Variants in INPP4A observed in about 807,000 individuals in gnomAD.
INPP4A encodes the protein inositol polyphosphate-4-phosphatase type I A.
A neutral mutation model predicts 119.8 loss-of-function variants in INPP4A; 33 were observed. The ratio of observed to expected loss-of-function variants is 0.28; its 90% CI spans 0.21 to 0.37. INPP4A has a LOEUF of 0.37. Among genes scored for constraint, INPP4A ranks in the 10% least tolerant of loss-of-function variants. The probability of loss-of-function intolerance (pLI) is 1.00; values close to 1 mark genes in which losing one functional copy is unlikely to be tolerated. For missense variants in INPP4A, 956 were observed against 1,289.9 expected, an observed-to-expected ratio of 0.74 and a Z score of 3.97; for synonymous variants, 496 against 500.7, an observed-to-expected ratio of 0.99 and a Z score of 0.12.
At chr2:98,466,644 C>T (rs1203556241) in intron 1 of INPP4A, among the ~76,000 whole-genome samples, 1 of 152,226 alleles carries the variant, frequency 6.6e-6, no homozygotes, top group Non-Finnish European at 1.5e-5. Flanking sequence ...GTGCATAAAA[C>T]CCTCACTTAT....
chr2:98,572,734 C>A, intron 22 of INPP4A, 81 bp from the exon 23 acceptor site: 1 of 864,828 alleles, frequency 1.2e-6, no homozygotes. Context: ...TGTGCCCCAG[C>A]AGCTCACTTG....
At chr2:98,501,271 T>C (rs1269590990) in intron 1 of INPP4A, among the ~76,000 whole-genome samples, 2 of 151,686 alleles carry the variant, frequency 1.3e-5, no homozygotes, top group Non-Finnish European at 2.9e-5. Context: ...GAGGTGGAGG[T>C]TGCAGTGAGT....
intron 1 of INPP4A, among the ~76,000 whole-genome samples, chr2:98,488,652 G>C (rs529910992): frequency 2.0e-5 from 3 of 152,260 alleles, no homozygotes; most frequent in African/African-American, 7.2e-5. Context: ...AGTGGCTCTA[G>C]GTCAAAAGCA....
chr2:98,557,527 C>G (rs1281561501), intron 16 of INPP4A, among the ~76,000 whole-genome samples: 1 of 152,220 alleles, frequency 6.6e-6, no homozygotes, highest in East Asian at 1.9e-4. Context: ...TTCCAAGTTA[C>G]TGGAGCCATT....
chr2:98,528,395 C>G (rs1688560994), intron 4 of INPP4A, among the ~76,000 whole-genome samples: 1 of 151,876 alleles, frequency 6.6e-6, no homozygotes, highest in African/African-American at 2.4e-5. Flanking sequence ...TGAACAGAGC[C>G]TCAGAGACCT....
intron 1 of INPP4A, among the ~76,000 whole-genome samples, chr2:98,509,756 C>T (rs753997261): frequency 6.6e-6 from 1 of 152,190 alleles, no homozygotes; most frequent in Non-Finnish European, 1.5e-5. Context: ...TTTTGCTCAG[C>T]ACAAACATTT....
At chr2:98,583,072 G>A (rs371392497) in intron 24 of INPP4A, among the ~76,000 whole-genome samples, 2 of 151,998 alleles carry the variant, frequency 1.3e-5, no homozygotes, top group East Asian at 1.9e-4. Flanking sequence ...TACTGCATAC[G>A]CCAGACACAG....
intron 1 of INPP4A, among the ~76,000 whole-genome samples, chr2:98,507,002 G>A (rs539262385): frequency 1.3e-5 from 2 of 152,318 alleles, no homozygotes; most frequent in African/African-American, 2.4e-5. Flanking sequence ...TTTGATCCTC[G>A]TTCACAGTCC....
intron 5 of INPP4A, 42 bp downstream of exon 5, chr2:98,533,537 C>T: frequency 1.7e-6 from 2 of 1,169,634 alleles, no homozygotes; most frequent in Non-Finnish European, 2.6e-6. Flanking sequence ...GTGGGACATG[C>T]TCTAGTGGTG....
chr2:98,572,303 G>A (rs1052440637), intron 22 of INPP4A, among the ~76,000 whole-genome samples: 2 of 152,218 alleles, frequency 1.3e-5, no homozygotes, highest in African/African-American at 4.8e-5. Flanking sequence ...CTGTTAGGAT[G>A]TGGGAGCAGG....
chr2:98,509,826 A>G (rs1278717107), intron 1 of INPP4A, among the ~76,000 whole-genome samples: 1 of 152,214 alleles, frequency 6.6e-6, no homozygotes, highest in Admixed American at 6.5e-5. Context: ...AATCCCCTGA[A>G]CGTTCATGGT....
chr2:98,488,266 C>A (rs1430165377), intron 1 of INPP4A, among the ~76,000 whole-genome samples: 1 of 152,170 alleles, frequency 6.6e-6, no homozygotes, highest in Non-Finnish European at 1.5e-5. Context: ...ACCCTCATCC[C>A]TTTTATTGGA....
chr2:98,488,935 C>CTGTGTGTGTGTGTG (rs55758146), intron 1 of INPP4A, among the ~76,000 whole-genome samples: 13 of 126,118 alleles, frequency 1.0e-4, no homozygotes, highest in South Asian at 6.2e-4. Context: ...AGTACATGCA[C>CTGTGTGTGTGTGTG]TGTGTGTGTG....
At chr2:98,524,039 CT>C (rs1355187203) in intron 4 of INPP4A, among the ~76,000 whole-genome samples, 1 of 152,112 alleles carries the variant, frequency 6.6e-6, no homozygotes, top group East Asian at 1.9e-4. Flanking sequence ...TTTTAAATGC[CT>C]TCATAGAGTC....
At chr2:98,564,021 A>G (rs1695989706) in intron 18 of INPP4A, among the ~76,000 whole-genome samples, 1 of 151,586 alleles carries the variant, frequency 6.6e-6, no homozygotes, top group Admixed American at 6.6e-5. Context: ...CTCGTATAAC[A>G]GTAGGTGCCT....
intron 1 of INPP4A, among the ~76,000 whole-genome samples, chr2:98,509,462 A>G (rs1385722038): frequency 6.6e-6 from 1 of 151,850 alleles, no homozygotes; most frequent in African/African-American, 2.4e-5. Context: ...TCGCGAAACC[A>G]CTCCCCTTGA....
At chr2:98,450,111 A>G (rs556308715) in intron 1 of INPP4A, among the ~76,000 whole-genome samples, 3 of 152,020 alleles carry the variant, frequency 2.0e-5, no homozygotes, top group South Asian at 2.1e-4. Context: ...ATTTTTTTTT[A>G]AAGTCCTAAA....
chr2:98,550,217 T>C (rs1693256966), intron 13 of INPP4A, among the ~76,000 whole-genome samples: 1 of 152,012 alleles, frequency 6.6e-6, no homozygotes. Flanking sequence ...CTGCTCCCCA[T>C]ATACAAGACT....
chr2:98,509,342 T>G (rs951909296), intron 1 of INPP4A, among the ~76,000 whole-genome samples: 4 of 152,184 alleles, frequency 2.6e-5, no homozygotes, highest in Non-Finnish European at 4.4e-5. Context: ...GGCATTAGAT[T>G]CTCGTAGGAG....
Sources: gnomAD v4.1 joint callset for allele counts (sites outside exome capture counted in the v4.1 genomes callset) on GRCh38, gnomAD v4.1.1 for gene constraint, MANE v1.5 for transcripts, NCBI Gene and HGNC (gene_info 2026-07-23, HGNC 2026-07-21) for gene names.